ADAMTS13: variants seen among roughly 807,000 people sequenced by gnomAD.
ADAMTS13 encodes ADAM metallopeptidase with thrombospondin type 1 motif 13.
ADAMTS13 carries 110 observed loss-of-function variants against 155.1 expected under a neutral mutation model. That is an observed-to-expected ratio of 0.71 (90% CI 0.61 to 0.83). The LOEUF is 0.83. ADAMTS13 is among the 40% of genes least tolerant of loss of function. ADAMTS13 has a pLI of 0.00. For missense variants in ADAMTS13, 1,707 were observed against 1,891.7 expected, an observed-to-expected ratio of 0.90 and a Z score of 1.81; for synonymous variants, 758 against 756.4, an observed-to-expected ratio of 1.00 and a Z score of -0.03.
chr9:133,426,411 G>A (rs1355324205), intron 6 of ADAMTS13, 66 bp downstream of exon 6: 3 of 1,590,602 alleles, frequency 1.9e-6, no homozygotes, highest in Non-Finnish European at 2.6e-6. Context: ...CAGGGTGGAG[G>A]TGGTCTTGGC....
rs36218897 is a variant in ADAMTS13 at position 133,424,982 on chromosome 9, C to G, written c.330+504C>G. Among the ~76,000 whole-genome samples the G allele has an allele frequency of 4.7e-3, 722 of 152,324 alleles. 6 individuals are homozygous for G. The highest frequency in any genetic ancestry group is 0.016 in the African/African-American group (672 of 41,574). ...CCTGCAGCCCCCCTTCACTTGAAAG[C>G]TGGGGAAGGGCGGGCAGGGAAGCAC... On this transcript the variant is annotated intron_variant, in intron 3 of 28. Coordinates refer to ENST00000355699, the MANE Select transcript of ADAMTS13 (RefSeq NM_139027.6). The surrounding 1 kb of genome is among the most constrained non-coding windows in gnomAD (Gnocchi z 4.3).
chr9:133,430,132 C>A, intron 8 of ADAMTS13, 31 bp downstream of exon 8: 1 of 1,558,884 alleles, frequency 6.4e-7, no homozygotes, highest in Non-Finnish European at 8.6e-7. Flanking sequence ...CTGGGATTGG[C>A]TGTGAGGTCC....
intron 11 of ADAMTS13, among the ~76,000 whole-genome samples, chr9:133,434,501 T>TTCACCGTGTTGGCCA (rs1181615281): frequency 2.0e-5 from 3 of 152,064 alleles, no homozygotes; most frequent in Non-Finnish European, 4.4e-5. Context: ...GAGGAGGGGT[T>TTCACCGTGTTGGCCA]TCACCGTGTT....
Position 133,424,527 on chromosome 9 carries a change from G to A in ADAMTS13, c.330+49G>A. ...GCAGGTCCCCACGGCCAGGGCTGGT[G>A]ACCAATGTCTGTGGGCTGGTGTATC... On this transcript the variant is annotated intron_variant, in intron 3 of 28. Coordinates refer to ENST00000355699, the MANE Select transcript of ADAMTS13 (RefSeq NM_139027.6). This position sits in a 1 kb window ranked among gnomAD's most constrained non-coding sequence, Gnocchi z 4.3. 2 of 1,580,846 alleles carry A rather than the reference G, an allele frequency of 1.3e-6. No homozygotes were observed. The highest frequency in any genetic ancestry group is 1.7e-6 in the Non-Finnish European group (2 of 1,163,758).
chr9:133,456,182 C>G lies in ADAMTS13; in HGVS notation c.3514C>G (p.Arg1172Gly). 6.2e-7 allele frequency: 1 copy of G among 1,613,574 alleles called. No individual in the cohort carries two copies. The highest frequency in any genetic ancestry group is 8.5e-7 in the Non-Finnish European group (1 of 1,180,028). ...GCCCCTCGGGGAGGTGGTGACCCTC[C>G]GCGTCCTTGAGAGTTCTCTCAACTG... ...GRPLGEVVTL[R>G]VLESSLNCSA... is the part of the protein sequence containing the mutation. Residue 1172 changes from arginine to glycine, a missense_variant, in exon 26 of 29, where the codon CGC becomes GGC. By Grantham distance (125) the Arg-to-Gly change is moderately radical (BLOSUM62 -2). Transcript: ENST00000355699. The surrounding 1 kb of genome is among the most constrained non-coding windows in gnomAD (Gnocchi z 4.4).
chr9:133,457,253 C>G lies in ADAMTS13; in HGVS notation c.3724+534C>G, dbSNP rs376610901. Among the ~76,000 whole-genome samples, 4 of 152,218 alleles carry G rather than the reference C, an allele frequency of 2.6e-5. No homozygotes were observed. The East Asian group carries it at 5.8e-4, about 22-fold the overall frequency. On this transcript the variant is annotated intron_variant, in intron 27 of 28. Coordinates refer to ENST00000355699, the MANE Select transcript of ADAMTS13 (RefSeq NM_139027.6). ...GCTTGCCCTCTCCCAACAGCCCGAG[C>G]TGGCCGAAGTTGGCTTCCCTAGCTG... is the stretch of plus-strand genomic sequence containing the variant.
At chr9:133,452,119 CCT>C (rs1842470807) in intron 23 of ADAMTS13, among the ~76,000 whole-genome samples, 1 of 136,672 alleles carries the variant, frequency 7.3e-6, no homozygotes, top group Non-Finnish European at 1.7e-5. Context: ...TTTTTCTTCT[CCT>C]TTTTTTTTTT....
intron 11 of ADAMTS13, 132 bp downstream of exon 11, chr9:133,433,836 C>T (rs2130827600): frequency 8.9e-7 from 1 of 1,119,036 alleles, no homozygotes; most frequent in East Asian, 2.5e-5. Flanking sequence ...TGGCTTATGC[C>T]TGTAATCCCA....
At chr9:133,454,685 T>C in intron 24 of ADAMTS13, 66 bp downstream of exon 24, 1 of 1,509,868 alleles carries the variant, frequency 6.6e-7, no homozygotes, top group Non-Finnish European at 8.9e-7. Flanking sequence ...GCTCCTCATG[T>C]GTGAGGGAGT....
upstream of ADAMTS13, among the ~76,000 whole-genome samples, chr9:133,418,814 C>T (rs918103605): frequency 2.6e-5 from 4 of 152,198 alleles, no homozygotes; most frequent in African/African-American, 7.2e-5. Flanking sequence ...CAGGGCGCGG[C>T]GCCGGGCTGT....
intron 28 of ADAMTS13, 68 bp downstream of exon 28, chr9:133,458,162 G>A: frequency 6.4e-7 from 1 of 1,571,510 alleles, no homozygotes; most frequent in Admixed American, 1.8e-5. Context: ...CAGGGCTAGG[G>A]GACCCCCTTC....
Position 133,428,755 on chromosome 9 carries a change from C to A in ADAMTS13, c.808C>A (p.Leu270Met). The part of the protein sequence containing the change: ...LAWSPCSRRQ[L>M]LSLLSAGRAR... ...CTGGTCCCCCTGCAGCCGCCGGCAG[C>A]TGCTGAGCCTGCTCAGGTAGCGGCC... is the stretch of plus-strand genomic sequence containing the variant. Residue 270 changes from leucine (L) to methionine (M), a missense_variant, in exon 7 of 29, where the codon CTG becomes ATG. Coordinates refer to ENST00000355699, the MANE Select transcript of ADAMTS13 (RefSeq NM_139027.6). 7.4e-7 allele frequency: 1 copy of A among 1,351,530 alleles called. No homozygotes were observed. The allele number at this position is 1,351,530 out of a possible 1,614,324, so 83.7% of individuals were successfully genotyped here.
Position 133,441,852 on chromosome 9 carries a change from C to G in ADAMTS13, c.1969-547C>G, listed in dbSNP as rs913246203. Among the ~76,000 whole-genome samples, 1 of 152,242 alleles carries G rather than the reference C, an allele frequency of 6.6e-6. No individual in the cohort carries two copies. Among genetic ancestry groups the G allele is most frequent in the African/African-American group, 2.4e-5 (1 of 41,466 alleles). ...AAGCACTTTCTGTGCTGGCCCTGCC[C>G]TAGCCCTTCTTGGGCTCCTTAGCCC... On this transcript the variant is annotated intron_variant, in intron 16 of 28. Coordinates refer to ENST00000355699, the MANE Select transcript of ADAMTS13 (RefSeq NM_139027.6). The surrounding 1 kb of genome is among the most constrained non-coding windows in gnomAD (Gnocchi z 5.0).
chr9:133,429,010 C>T (rs1216409595), intron 7 of ADAMTS13, among the ~76,000 whole-genome samples: 2 of 142,698 alleles, frequency 1.4e-5, no homozygotes, highest in Non-Finnish European at 3.1e-5. Context: ...TACGTCCGTC[C>T]CCACCTCTCC....
At chr9:133,432,534 C>T in intron 8 of ADAMTS13, 54 bp from the exon 9 acceptor site, 1 of 1,460,416 alleles carries the variant, frequency 6.8e-7, no homozygotes, top group Non-Finnish European at 9.4e-7. Context: ...TGGACACTGG[C>T]CTGGAAGGCC....
chr9:133,428,816 C>A, intron 7 of ADAMTS13, 45 bp downstream of exon 7: 1 of 1,246,884 alleles, frequency 8.0e-7, no homozygotes, highest in East Asian at 3.5e-5. Flanking sequence ...TCCAGCCAGC[C>A]CGCTGGGCCG....
At chr9:133,417,752 GT>G, upstream of ADAMTS13, 2 of 1,613,430 alleles carry the variant, frequency 1.2e-6, no homozygotes, top group Non-Finnish European at 1.7e-6. Context: ...TTTTCTTCTT[GT>G]TTTTCTTCCG....
At position 133,440,294 on chromosome 9, in the gene ADAMTS13, G is replaced by A. The variant is rs1554790311; in HGVS notation, c.1787-50G>A. 6.2e-7 allele frequency: 1 copy of A among 1,611,086 alleles called. No individual in the cohort carries two copies. Among genetic ancestry groups the A allele is most frequent in the Non-Finnish European group, 8.5e-7 (1 of 1,178,598 alleles). ...AGAGTCACTGACATGTGCCTGTGAG[G>A]AGGATGGGTGCTCAGCTCCACACAG... On this transcript the variant is annotated intron_variant, in intron 15 of 28. Coordinates refer to ENST00000355699, the MANE Select transcript of ADAMTS13 (RefSeq NM_139027.6). The surrounding 1 kb of genome is among the most constrained non-coding windows in gnomAD (Gnocchi z 4.3).
intron 6 of ADAMTS13, among the ~76,000 whole-genome samples, chr9:133,427,925 G>C (rs587674534): frequency 1.3e-5 from 2 of 152,346 alleles, no homozygotes; most frequent in South Asian, 4.1e-4. Context: ...TCTGGGTTTT[G>C]CCATGGCAAT....
Sources: allele counts gnomAD v4.1 joint callset (sites outside exome capture counted in the v4.1 genomes callset), GRCh38; gene constraint gnomAD v4.1.1; non-coding constraint Gnocchi (gnomAD v3.1); transcripts MANE v1.5; gene names NCBI Gene and HGNC (gene_info 2026-07-23, HGNC 2026-07-21).